PCDHA3: variants seen among roughly 807,000 people sequenced by gnomAD.
PCDHA3 encodes protocadherin alpha-3.
Under a neutral mutation model 62.2 loss-of-function variants are expected in PCDHA3, and 41 were observed. The ratio of observed to expected loss-of-function variants is 0.66; its 90% CI spans 0.51 to 0.86. PCDHA3 has a LOEUF of 0.86. PCDHA3 is among the 40% of genes least tolerant of loss of function. The pLI is 0.00. For synonymous variants in PCDHA3, 640 were observed against 555.4 expected (o/e 1.15, Z -2.14); for missense variants, 1,304 against 1,241.2 (o/e 1.05, Z -0.76).
intron 1 of PCDHA3, chr5:140,843,282 A>G: frequency 1.3e-6 from 2 of 1,596,026 alleles, no homozygotes; most frequent in South Asian, 1.1e-5. Context: ...GTGAAGGATC[A>G]TGGTGAACCT....
At chr5:140,864,740 C>G (rs2048582672) in intron 1 of PCDHA3, 1 of 152,028 alleles carries the variant, frequency 6.6e-6, no homozygotes, top group African/African-American at 2.4e-5. Context: ...TCTTTGAGCA[C>G]CGATTATACT....
At chr5:140,873,693 C>T (rs1554166841) in intron 1 of PCDHA3, among the ~76,000 whole-genome samples, 1 of 152,156 alleles carries the variant, frequency 6.6e-6, no homozygotes, top group Non-Finnish European at 1.5e-5. Context: ...TAGAGTCTTG[C>T]TCTATCACCC....
chr5:140,897,309 A>G (rs1165791921), intron 1 of PCDHA3, among the ~76,000 whole-genome samples: 3 of 148,098 alleles, frequency 2.0e-5, no homozygotes, highest in Non-Finnish European at 3.0e-5. Flanking sequence ...CATTAGGTAT[A>G]TCTCCTAAAG....
At chr5:140,882,141 A>G in intron 1 of PCDHA3, 3 of 1,491,636 alleles carry the variant, frequency 2.0e-6, no homozygotes, top group South Asian at 1.4e-5. Flanking sequence ...CAGAAAATAT[A>G]GCAGAAAGCG....
At chr5:140,835,828 C>T (rs2150246076) in intron 1 of PCDHA3, 2 of 1,612,490 alleles carry the variant, frequency 1.2e-6, no homozygotes, top group South Asian at 1.1e-5. Context: ...GCGGGGGACG[C>T]GGACGCGCAG....
intron 1 of PCDHA3, among the ~76,000 whole-genome samples, chr5:140,838,877 T>C (rs1016544864): frequency 6.6e-6 from 1 of 151,982 alleles, no homozygotes; most frequent in Non-Finnish European, 1.5e-5. Context: ...ATCATGCCAC[T>C]GAACTCCAGC....
chr5:140,968,208 AC>A, intron 1 of PCDHA3: 1 of 1,614,022 alleles, frequency 6.2e-7, no homozygotes, highest in Non-Finnish European at 8.5e-7. Context: ...ATACAGGAGA[AC>A]AATTTGCCAG....
intron 1 of PCDHA3, among the ~76,000 whole-genome samples, chr5:140,925,132 T>G (rs2082347636): frequency 6.6e-6 from 1 of 151,168 alleles, no homozygotes; most frequent in Non-Finnish European, 1.5e-5. Context: ...GAAAAAAAAT[T>G]TCAAACATAC....
chr5:140,951,183 G>A (rs1554219780), intron 1 of PCDHA3, among the ~76,000 whole-genome samples: 3 of 151,518 alleles, frequency 2.0e-5, no homozygotes, highest in Admixed American at 6.6e-5. Flanking sequence ...GTCATTGTCC[G>A]CTAATTCCCA....
intron 3 of PCDHA3, among the ~76,000 whole-genome samples, chr5:140,987,213 C>CAA (rs58319157): frequency 8.4e-5 from 10 of 118,874 alleles, no homozygotes; most frequent in Non-Finnish European, 1.2e-4. Flanking sequence ...GACTCCATCT[C>CAA]AAAAAAAAAA....
chr5:140,951,503 A>G (rs1554219922), intron 1 of PCDHA3, among the ~76,000 whole-genome samples: 1 of 151,992 alleles, frequency 6.6e-6, no homozygotes, highest in African/African-American at 2.4e-5. Flanking sequence ...AGGCAAAAGG[A>G]AAGCGGCTCA....
At chr5:140,970,121 G>C (rs1230320134) in intron 1 of PCDHA3, among the ~76,000 whole-genome samples, 1 of 152,184 alleles carries the variant, frequency 6.6e-6, no homozygotes, top group Non-Finnish European at 1.5e-5. Flanking sequence ...GCTGGGATTA[G>C]AAGGAAGAGA....
intron 1 of PCDHA3, among the ~76,000 whole-genome samples, chr5:140,878,943 T>C (rs968532854): frequency 6.6e-6 from 1 of 152,220 alleles, no homozygotes; most frequent in Non-Finnish European, 1.5e-5. Context: ...AATAAATATA[T>C]GGTATTGAAA....
At chr5:140,862,588 G>A in intron 1 of PCDHA3, 1 of 501,458 alleles carries the variant, frequency 2.0e-6, no homozygotes, top group Non-Finnish European at 4.1e-6. Context: ...CCAGCAGCCC[G>A]AGTACATGGT....
intron 1 of PCDHA3, among the ~76,000 whole-genome samples, chr5:140,977,523 C>G (rs1393138256): frequency 2.0e-5 from 3 of 152,070 alleles, no homozygotes; most frequent in African/African-American, 7.2e-5. Flanking sequence ...AACTTGAAAA[C>G]AAAGGAGGAA....
intron 1 of PCDHA3, among the ~76,000 whole-genome samples, chr5:140,935,338 T>C (rs2090317634): frequency 1.3e-5 from 2 of 152,364 alleles, no homozygotes; most frequent in African/African-American, 4.8e-5. Context: ...ATTTCTCCCA[T>C]ACGTCAAATC....
intron 1 of PCDHA3, chr5:140,834,892 A>T (rs2150228741): frequency 6.2e-7 from 1 of 1,604,044 alleles, no homozygotes; most frequent in East Asian, 2.2e-5. Context: ...CTGCTCACTT[A>T]CAGACTGAGC....
chr5:140,883,606 C>T (rs782093980), intron 1 of PCDHA3: 1 of 1,613,942 alleles, frequency 6.2e-7, no homozygotes, highest in South Asian at 1.1e-5. Flanking sequence ...TGGGGGTGGC[C>T]GACGTGAACG....
At chr5:140,822,479 A>C in intron 1 of PCDHA3, 1 of 1,613,856 alleles carries the variant, frequency 6.2e-7, no homozygotes, top group East Asian at 2.2e-5. Context: ...TTGGATGCTA[A>C]TGATAACGCC....
Sources: allele counts gnomAD v4.1 joint callset (sites outside exome capture counted in the v4.1 genomes callset), GRCh38; gene constraint gnomAD v4.1.1; transcripts MANE v1.5; gene names NCBI Gene and HGNC (gene_info 2026-07-23, HGNC 2026-07-21).